The following CCDC93 variants were observed in gnomAD, a reference collection of about 807,000 sequenced individuals.
CCDC93 encodes CCC complex scaffolding subunit CCDC93.
In CCDC93, 61 loss-of-function variants were observed where a neutral mutation model predicts 108.2. The ratio of observed to expected loss-of-function variants is 0.56; its 90% confidence interval spans 0.46 to 0.70. CCDC93 has a LOEUF of 0.70. CCDC93 is among the 30% of genes least tolerant of loss of function. CCDC93 has a pLI of 0.00. For missense variants in CCDC93, 685 were observed against 764.2 expected, an observed-to-expected ratio of 0.90 and a Z score of 1.22; for synonymous variants, 276 against 260.4, an observed-to-expected ratio of 1.06 and a Z score of -0.58.
chr2:117,995,371 C>A, intron 6 of CCDC93, 75 bp downstream of exon 6: 2 of 1,149,302 alleles, frequency 1.7e-6, no homozygotes, highest in South Asian at 2.5e-5. Context: ...TCAGGAGCAG[C>A]GCTTTTGTGA....
intron 11 of CCDC93, among the ~76,000 whole-genome samples, chr2:117,972,870 C>T (rs1234711802): frequency 3.3e-5 from 5 of 152,178 alleles, no homozygotes; most frequent in Non-Finnish European, 7.3e-5. Flanking sequence ...AGACAGGACA[C>T]TCTGGATTCT....
At chr2:117,958,646 G>A (rs1315982331) in intron 11 of CCDC93, among the ~76,000 whole-genome samples, 165 bp from the exon 12 acceptor site, 3 of 152,208 alleles carry the variant, frequency 2.0e-5, no homozygotes, top group East Asian at 1.9e-4. Flanking sequence ...AAGAGATTCT[G>A]ACACAATGAC....
chr2:117,967,079 G>A (rs1229567363), intron 11 of CCDC93, among the ~76,000 whole-genome samples: 9 of 152,062 alleles, frequency 5.9e-5, no homozygotes, highest in African/African-American at 1.9e-4. Context: ...TGCAACCTCC[G>A]CCTCCCAGGT....
chr2:117,978,362 A>G (rs1246874510), intron 7 of CCDC93, among the ~76,000 whole-genome samples: 2 of 152,238 alleles, frequency 1.3e-5, no homozygotes, highest in Non-Finnish European at 2.9e-5. Context: ...CCTTAAAAAT[A>G]TCTATATAAA....
intron 17 of CCDC93, 119 bp from the exon 18 acceptor site, chr2:117,944,205 T>C: frequency 1.6e-6 from 1 of 641,428 alleles, no homozygotes; most frequent in Non-Finnish European, 2.6e-6. Flanking sequence ...CTTAAATTTC[T>C]CTTCTTAAAT....
intron 3 of CCDC93, among the ~76,000 whole-genome samples, chr2:118,002,750 G>C (rs757925223): frequency 6.6e-6 from 1 of 152,128 alleles, no homozygotes; most frequent in Non-Finnish European, 1.5e-5. Flanking sequence ...CACAAGTCCT[G>C]AGAGGGGCCA....
At chr2:117,996,478 G>A in intron 4 of CCDC93, 116 bp from the exon 5 acceptor site, 1 of 678,856 alleles carries the variant, frequency 1.5e-6, no homozygotes, top group Non-Finnish European at 2.6e-6. Flanking sequence ...AACTGACTAG[G>A]TGATAAGAAG....
intron 11 of CCDC93, among the ~76,000 whole-genome samples, chr2:117,970,884 T>C (rs1306098876): frequency 6.6e-6 from 1 of 152,208 alleles, no homozygotes; most frequent in Non-Finnish European, 1.5e-5. Flanking sequence ...TTTTACGTAG[T>C]TGTAACACAC....
chr2:117,988,066 T>C (rs1266795957), intron 6 of CCDC93, among the ~76,000 whole-genome samples: 2 of 152,028 alleles, frequency 1.3e-5, no homozygotes, highest in East Asian at 1.9e-4. Flanking sequence ...GTCTCATACC[T>C]GTACTTTCAT....
chr2:117,973,888 C>T lies in CCDC93; in HGVS notation c.888+20G>A, dbSNP rs747933600. On this transcript the variant is annotated intron_variant, in intron 11 of 23. Transcript: ENST00000376300. ...TGGAGCATTATCTGGGGCACAGACT[C>T]CAGCTGGGCCCCCACCTACCTTCTC... The T allele has an allele frequency of 6.3e-6, 10 of 1,577,656 alleles. No individual in the cohort carries two copies. The South Asian group carries it at 1.1e-4, about 18-fold the overall frequency.
chr2:117,958,271 C>T, intron 12 of CCDC93, 94 bp downstream of exon 12: 1 of 767,094 alleles, frequency 1.3e-6, no homozygotes, highest in East Asian at 2.5e-5. Context: ...TGGACTGGCC[C>T]AAGCACCACA....
rs573790763 is a variant in CCDC93 at position 117,958,067 on chromosome 2, T to G, written c.1005+298A>C. On this transcript the variant is annotated intron_variant, in intron 12 of 23. Coordinates refer to ENST00000376300, the MANE Select transcript of CCDC93 (RefSeq NM_019044.5). The stretch of plus-strand genomic sequence containing the variant: ...TGCTATTTATTCTTGCCCTGTGATC[T>G]TTTCCTATGACAGAAGTTAGCAAAT... Among the ~76,000 whole-genome samples, 337 of 152,322 alleles carry G rather than the reference T, an allele frequency of 2.2e-3. 1 individual carries two copies. The highest frequency in any genetic ancestry group is 3.5e-3 in the Non-Finnish European group (241 of 68,030).
intron 3 of CCDC93, among the ~76,000 whole-genome samples, chr2:118,005,154 CAT>C (rs55716637): frequency 0.036 from 5,500 of 152,112 alleles, 116 homozygotes; most frequent in Middle Eastern, 0.071. Flanking sequence ...ATTGAGAAGA[CAT>C]AGAAAAATAC....
intron 23 of CCDC93, among the ~76,000 whole-genome samples, chr2:117,927,841 G>A (rs983249211): frequency 9.2e-5 from 14 of 152,220 alleles, no homozygotes; most frequent in African/African-American, 3.4e-4. Flanking sequence ...GAGGCATCAT[G>A]CTACCTGACT....
intron 22 of CCDC93, chr2:117,934,420 A>G (rs1372827028): frequency 6.6e-6 from 1 of 152,192 alleles, no homozygotes; most frequent in Non-Finnish European, 1.5e-5. Flanking sequence ...GTGAGTGTGC[A>G]TATATAGGCA....
At chr2:117,958,767 T>C (rs1679298950) in intron 11 of CCDC93, among the ~76,000 whole-genome samples, 1 of 152,166 alleles carries the variant, frequency 6.6e-6, no homozygotes, top group Admixed American at 6.5e-5. Context: ...ACAGGTATCA[T>C]CAAAAAGTCT....
intron 4 of CCDC93, chr2:117,996,604 T>G (rs894226387): frequency 2.8e-6 from 1 of 351,076 alleles, no homozygotes; most frequent in East Asian, 5.0e-5. Context: ...TTACTTCACA[T>G]CCTTGAGCCT....
chr2:117,991,987 A>G (rs566674349), intron 6 of CCDC93, among the ~76,000 whole-genome samples: 2 of 152,146 alleles, frequency 1.3e-5, no homozygotes, highest in Non-Finnish European at 2.9e-5. Flanking sequence ...CAGAAGTGGT[A>G]GAAGGGAGGG....
At chr2:117,969,112 A>G (rs974580692) in intron 11 of CCDC93, among the ~76,000 whole-genome samples, 2 of 152,174 alleles carry the variant, frequency 1.3e-5, no homozygotes, top group African/African-American at 4.8e-5. Flanking sequence ...AACAGAATAC[A>G]CCACAGAGAA....
Sources: gnomAD v4.1 joint callset for allele counts (sites outside exome capture counted in the v4.1 genomes callset) on GRCh38, gnomAD v4.1.1 for gene constraint, MANE v1.5 for transcripts, NCBI Gene and HGNC (gene_info 2026-07-23, HGNC 2026-07-21) for gene names.